PHC3: variants seen among roughly 807,000 people sequenced by gnomAD.
PHC3 encodes the protein polyhomeotic-like protein 3.
In PHC3, 13 loss-of-function variants were observed where a neutral mutation model predicts 107.4. The observed-to-expected ratio is 0.12, with a 90% CI of 0.08 to 0.19. The LOEUF (loss-of-function observed/expected upper bound fraction) is 0.19. PHC3 is among the 10% of genes least tolerant of loss of function. The pLI is 1.00. For synonymous variants in PHC3, 456 were observed against 427.4 expected (o/e 1.07, Z -0.83); for missense variants, 992 against 1,210.9 (o/e 0.82, Z 2.68).
rs766973178 is a variant in PHC3, at chr3:170,096,013, C to T, written c.*1217G>A. On this transcript the variant is annotated 3_prime_UTR_variant, in exon 15 of 15. Coordinates refer to ENST00000495893, the MANE Select transcript of PHC3 (RefSeq NM_024947.4). Reference sequence around the variant, plus strand: ...AATCCAAAGAGCAACCACGTATCTGCTACAAACTATTTTCTTGCCAGAAAA... The same window carrying T: ...AATCCAAAGAGCAACCACGTATCTGTTACAAACTATTTTCTTGCCAGAAAA... 1.3e-5 allele frequency: 2 copies of T among 152,160 alleles called. No individual in the cohort carries two copies. The highest frequency in any genetic ancestry group is 2.9e-5 in the Non-Finnish European group (2 of 68,032). The allele number at this position is 152,160 out of a possible 1,614,324, so 9.4% of individuals were successfully genotyped here.
chr3:170,135,222 C>T (rs1226812378), intron 7 of PHC3, among the ~76,000 whole-genome samples: 5 of 152,166 alleles, frequency 3.3e-5, no homozygotes, highest in South Asian at 2.1e-4. Flanking sequence ...GCAATCTTGG[C>T]TCACTGCAAC....
intron 8 of PHC3, among the ~76,000 whole-genome samples, chr3:170,126,528 A>ATATATATATATATATATTTTT (rs370421296): frequency 1.1e-5 from 1 of 90,638 alleles, no homozygotes; most frequent in African/African-American, 4.5e-5. Context: ...ATATATATAT[A>ATATATATATATATATATTTTT]TTTTTTTTTT....
intron 8 of PHC3, among the ~76,000 whole-genome samples, chr3:170,127,029 A>G (rs1721425358): frequency 6.6e-6 from 1 of 152,038 alleles, no homozygotes. Context: ...TCACTGAACT[A>G]GGTAGTGAGA....
At position 170,097,496 on chromosome 3, in the gene PHC3, G is replaced by A; in HGVS notation, c.2834-112C>T. ...GGTCTGAGAATCTGAAATACAGGCT[G>A]AGAAACAAATGAAATTTATTTATGG... On this transcript the variant is annotated intron_variant, in intron 14 of 14. Coordinates refer to ENST00000495893, the MANE Select transcript of PHC3 (RefSeq NM_024947.4). The surrounding 1 kb of genome is among the most constrained non-coding windows in gnomAD (Gnocchi z 4.1). The A allele has an allele frequency of 4.0e-6, 4 of 1,010,910 alleles. No individual in the cohort carries two copies. Among genetic ancestry groups the A allele is most frequent in the Non-Finnish European group, 4.1e-6 (3 of 738,558 alleles). The allele number at this position is 1,010,910 out of a possible 1,614,324, so 62.6% of individuals were successfully genotyped here.
At chr3:170,177,582 G>C (rs1730671274) in intron 2 of PHC3, among the ~76,000 whole-genome samples, 1 of 151,820 alleles carries the variant, frequency 6.6e-6, no homozygotes, top group South Asian at 2.1e-4. Flanking sequence ...GATCAGGCTG[G>C]TCTCAAACAC....
intron 10 of PHC3, among the ~76,000 whole-genome samples, chr3:170,116,606 C>T (rs375034985): frequency 6.6e-6 from 1 of 151,918 alleles, no homozygotes; most frequent in East Asian, 1.9e-4. Context: ...AATAGTAGTA[C>T]ACTTCAGCTG....
chr3:170,180,838 A>T (rs1731272481), intron 1 of PHC3, among the ~76,000 whole-genome samples: 1 of 152,228 alleles, frequency 6.6e-6, no homozygotes, highest in Non-Finnish European at 1.5e-5. Flanking sequence ...GAGAATCCAA[A>T]TTCTCGGCAT....
intron 3 of PHC3, 49 bp from the exon 4 acceptor site, chr3:170,171,499 G>C (rs370962081): frequency 2.3e-6 from 3 of 1,303,430 alleles, no homozygotes; most frequent in Non-Finnish European, 3.2e-6. Context: ...CTGAAGTTAA[G>C]AACTTTCTGG....
chr3:170,150,750 T>C (rs1223617880), intron 4 of PHC3: 1 of 418,786 alleles, frequency 2.4e-6, no homozygotes, highest in Admixed American at 2.6e-5. Context: ...CCCAATAAAC[T>C]AGTGCATTGT....
intron 5 of PHC3, chr3:170,148,624 T>C (rs536723176): frequency 8.5e-4 from 131 of 153,284 alleles, no homozygotes; most frequent in South Asian, 7.5e-3. Context: ...CAATATAGAA[T>C]TCAGAAAATC....
At chr3:170,158,142 T>C (rs1396279652) in intron 4 of PHC3, among the ~76,000 whole-genome samples, 1 of 151,992 alleles carries the variant, frequency 6.6e-6, no homozygotes. Context: ...CTATTGGAAA[T>C]TCCATAAGGT....
chr3:170,158,477 C>A (rs1212992997), intron 4 of PHC3, among the ~76,000 whole-genome samples: 4 of 152,080 alleles, frequency 2.6e-5, no homozygotes, highest in Non-Finnish European at 4.4e-5. Flanking sequence ...TGGCAGGCAC[C>A]TGTAATCCCA....
chr3:170,097,629 T>C lies in PHC3; in HGVS notation c.2834-245A>G, dbSNP rs772904448. The stretch of plus-strand genomic sequence containing the variant: ...GAATTCTTGCTCTAAAATAATGTTA[T>C]AGAAATAATTCATAAGAGGGAAGTC... On this transcript the variant is annotated intron_variant, in intron 14 of 14. Transcript: ENST00000495893. The surrounding 1 kb of genome is among the most constrained non-coding windows in gnomAD (Gnocchi z 4.1). 2.6e-5 allele frequency among the ~76,000 whole-genome samples: 4 copies of C among 152,192 alleles called. No homozygotes were observed. Among genetic ancestry groups the C allele is most frequent in the East Asian group, 3.8e-4 (2 of 5,198 alleles).
intron 7 of PHC3, among the ~76,000 whole-genome samples, chr3:170,133,398 C>G (rs545891379): frequency 2.0e-5 from 3 of 151,964 alleles, no homozygotes; most frequent in African/African-American, 7.3e-5. Flanking sequence ...AGGATGGTCT[C>G]GATCTCTTGA....
At chr3:170,104,346 C>G (rs887368241) in intron 12 of PHC3, among the ~76,000 whole-genome samples, 1 of 151,944 alleles carries the variant, frequency 6.6e-6, no homozygotes, top group Admixed American at 6.6e-5. Context: ...AAGAAATGAT[C>G]TAAGAAACAA....
chr3:170,172,615 G>A lies in PHC3; in HGVS notation c.278C>T (p.Ala93Val). ...GCTTAAATGCTGCTGCTGAAGAGCT[G>A]CAGTATGCAGCATCAAGTGCTGTTG... is the stretch of plus-strand genomic sequence containing the variant. ...AQQQHLMLHT[A>V]ALQQQHLSSS... is the part of the protein sequence containing the mutation. Residue 93 changes from alanine (A) to valine (V), a missense_variant, in exon 3 of 15, where the codon GCA (alanine) becomes GTA (valine). Transcript: ENST00000495893. 3 of 1,613,656 alleles carry A rather than the reference G, an allele frequency of 1.9e-6. No individual in the cohort carries two copies. Among genetic ancestry groups the A allele is most frequent in the Non-Finnish European group, 2.5e-6 (3 of 1,179,822 alleles).
At chr3:170,145,545 A>C in intron 5 of PHC3, 24 bp from the exon 6 acceptor site, 1 of 1,561,130 alleles carries the variant, frequency 6.4e-7, no homozygotes, top group Non-Finnish European at 8.8e-7. Context: ...AAACCAAAAA[A>C]ATACCCTAAG....
intron 7 of PHC3, among the ~76,000 whole-genome samples, chr3:170,135,654 TACTA>T (rs35907218): frequency 0.02 from 3,035 of 151,698 alleles, 87 homozygotes; most frequent in East Asian, 0.16. Flanking sequence ...AACAATTATG[TACTA>T]AAGAAGGTCA....
intron 9 of PHC3, among the ~76,000 whole-genome samples, chr3:170,118,341 G>A (rs1719459174): frequency 6.6e-6 from 1 of 152,148 alleles, no homozygotes; most frequent in African/African-American, 2.4e-5. Flanking sequence ...AACCTCCCAG[G>A]CTCAGGTGAT....
Sources: allele counts gnomAD v4.1 joint callset (sites outside exome capture counted in the v4.1 genomes callset), GRCh38; gene constraint gnomAD v4.1.1; non-coding constraint Gnocchi (gnomAD v3.1); transcripts MANE v1.5; gene names NCBI Gene and HGNC (gene_info 2026-07-23, HGNC 2026-07-21).